COL24A1: variants seen among roughly 807,000 people sequenced by gnomAD.
The protein encoded by COL24A1 is collagen alpha-1(XXIV) chain.
A neutral mutation model predicts 253.9 loss-of-function variants in COL24A1; 224 were observed. The ratio of observed to expected loss-of-function variants is 0.88; its 90% CI spans 0.79 to 0.99. The LOEUF is 0.99. Ranked by LOEUF, COL24A1 falls within the 50% of genes least tolerant of loss-of-function variation. COL24A1 has a pLI of 0.00. For missense variants in COL24A1, 2,131 were observed against 2,068.5 expected (o/e 1.03, Z -0.59); for synonymous variants, 685 against 673.7 (o/e 1.02, Z -0.26).
chr1:86,052,868 A>G (rs1221989861), intron 10 of COL24A1, among the ~76,000 whole-genome samples: 1 of 152,068 alleles, frequency 6.6e-6, no homozygotes, highest in Non-Finnish European at 1.5e-5. Context: ...TATTGCCATT[A>G]AAAAAGTTGC....
intron 47 of COL24A1, among the ~76,000 whole-genome samples, chr1:85,814,942 A>G (rs1002434152): frequency 6.6e-6 from 1 of 152,174 alleles, no homozygotes; most frequent in Non-Finnish European, 1.5e-5. Context: ...AGAACAAATG[A>G]CTTCCTGGTC....
At chr1:86,044,402 T>C (rs1276711819) in intron 12 of COL24A1, among the ~76,000 whole-genome samples, 1 of 152,120 alleles carries the variant, frequency 6.6e-6, no homozygotes, top group Non-Finnish European at 1.5e-5. Context: ...GACAAATGAT[T>C]TTACAGTAAA....
intron 32 of COL24A1, among the ~76,000 whole-genome samples, chr1:85,878,115 T>C (rs891056488): frequency 1.3e-5 from 2 of 152,248 alleles, no homozygotes; most frequent in Non-Finnish European, 2.9e-5. Context: ...AGTTTGTTTA[T>C]CCATTTATTC....
intron 24 of COL24A1, among the ~76,000 whole-genome samples, chr1:85,927,211 C>T (rs1339045092): frequency 1.3e-5 from 2 of 151,266 alleles, no homozygotes; most frequent in Non-Finnish European, 2.9e-5. Context: ...TGGGCGGAGG[C>T]CAGTGTGTGT....
intron 19 of COL24A1, among the ~76,000 whole-genome samples, chr1:86,006,614 C>A (rs1391263916): frequency 1.3e-5 from 2 of 151,914 alleles, no homozygotes; most frequent in Non-Finnish European, 2.9e-5. Flanking sequence ...TTTTTAGAAA[C>A]AACACAAAAG....
chr1:85,764,167 A>T (rs1337273561), intron 53 of COL24A1, among the ~76,000 whole-genome samples: 1 of 152,042 alleles, frequency 6.6e-6, no homozygotes, highest in Non-Finnish European at 1.5e-5. Context: ...CTTCCATTGT[A>T]GGATGTTTAG....
intron 43 of COL24A1, among the ~76,000 whole-genome samples, chr1:85,833,509 C>T (rs1675604862): frequency 1.3e-5 from 2 of 152,200 alleles, no homozygotes; most frequent in South Asian, 4.1e-4. Flanking sequence ...CACTTTTACA[C>T]TGTTGGTGGG....
At position 85,815,720 on chromosome 1, in the gene COL24A1, G is replaced by C. The variant is rs141611436; in HGVS notation, c.3951+1068C>G. 6.2e-3 allele frequency among the ~76,000 whole-genome samples: 936 copies of C among 151,378 alleles called. 6 individuals carry two copies. The highest frequency in any genetic ancestry group is 0.022 in the African/African-American group (888 of 41,260). On this transcript the variant is annotated intron_variant, in intron 47 of 59. Transcript: ENST00000370571. ...ACATTAGAATTGACTTATTACCTAA[G>C]AAAAGAGCAACAAATCAATAGGTAA...
chr1:86,134,901 C>G (rs1463405343), intron 2 of COL24A1, among the ~76,000 whole-genome samples: 1 of 149,726 alleles, frequency 6.7e-6, no homozygotes, highest in Admixed American at 6.7e-5. Flanking sequence ...TCCTGGATAT[C>G]CTTGTTAACC....
At chr1:85,797,344 A>T (rs914076786) in intron 47 of COL24A1, among the ~76,000 whole-genome samples, 40 of 152,188 alleles carry the variant, frequency 2.6e-4, no homozygotes, top group African/African-American at 7.9e-4. Flanking sequence ...GCTCTGATGG[A>T]GGCAGTGTAC....
intron 6 of COL24A1, among the ~76,000 whole-genome samples, chr1:86,090,332 A>G (rs894110471): frequency 2.6e-5 from 4 of 152,140 alleles, no homozygotes; most frequent in Non-Finnish European, 5.9e-5. Flanking sequence ...GATTATGTCA[A>G]TGTCATCTCA....
intron 47 of COL24A1, among the ~76,000 whole-genome samples, chr1:85,812,090 A>T (rs1672606544): frequency 7.9e-6 from 1 of 126,696 alleles, no homozygotes; most frequent in South Asian, 2.9e-4. Flanking sequence ...TGGAATGTCA[A>T]ATGGCTACGC....
intron 31 of COL24A1, among the ~76,000 whole-genome samples, chr1:85,892,669 G>A (rs754661609): frequency 2.2e-4 from 33 of 151,886 alleles, no homozygotes; most frequent in African/African-American, 6.5e-4. Flanking sequence ...TTTGCAATGC[G>A]TAGTTTAAAA....
chr1:85,985,388 A>G (rs1004890832), intron 20 of COL24A1, among the ~76,000 whole-genome samples: 5 of 151,836 alleles, frequency 3.3e-5, no homozygotes, highest in African/African-American at 4.8e-5. Flanking sequence ...ATATGACTGT[A>G]TAACTACAGA....
chr1:85,771,864 A>G (rs61783133), intron 53 of COL24A1, among the ~76,000 whole-genome samples: 3 of 149,750 alleles, frequency 2.0e-5, no homozygotes, highest in African/African-American at 7.4e-5. Flanking sequence ...TTAGTTACAT[A>G]TGTATACATG....
intron 5 of COL24A1, among the ~76,000 whole-genome samples, chr1:86,108,126 C>T (rs1445782234): frequency 6.6e-6 from 1 of 152,128 alleles, no homozygotes; most frequent in Non-Finnish European, 1.5e-5. Context: ...CATTTTACCA[C>T]AGACATATAT....
intron 12 of COL24A1, among the ~76,000 whole-genome samples, chr1:86,040,963 T>C (rs757710172): frequency 2.0e-5 from 3 of 152,174 alleles, no homozygotes; most frequent in Non-Finnish European, 2.9e-5. Context: ...TAAGACTGTC[T>C]TGGGCTAAAG....
rs1362835133 is a variant in COL24A1 at position 85,932,272 on chromosome 1, C to T, written c.2563-20839G>A. Among the ~76,000 whole-genome samples, 324 of 66,700 alleles carry T rather than the reference C, an allele frequency of 4.9e-3. 4 individuals carry two copies. The highest frequency in any genetic ancestry group is 0.019 in the African/African-American group (313 of 16,450). 43.8% of individuals were successfully genotyped at this position (66,700 alleles called of 152,430 possible). A position where few individuals can be genotyped will look rare whatever the true frequency, so the allele number is the denominator to read the frequency against. The stretch of plus-strand genomic sequence containing the variant: ...ACAAACAACCCCATCAAAAAGTGGG[C>T]AAAGGACATGAACAGACACTTCTCA... On this transcript the variant is annotated intron_variant, in intron 24 of 59. Transcript: ENST00000370571.
chr1:85,896,087 G>A (rs1473594684), intron 29 of COL24A1, 22 bp from the exon 30 acceptor site: 2 of 1,610,502 alleles, frequency 1.2e-6, no homozygotes, highest in East Asian at 2.2e-5. Flanking sequence ...TCAAAGCCAG[G>A]TGAGTTAGTA....
Sources: allele counts gnomAD v4.1 joint callset (sites outside exome capture counted in the v4.1 genomes callset), GRCh38; gene constraint gnomAD v4.1.1; transcripts MANE v1.5; gene names NCBI Gene and HGNC (gene_info 2026-07-23, HGNC 2026-07-21).